HYCC2: variants seen among roughly 807,000 people sequenced by gnomAD.
The protein encoded by HYCC2 is hyccin 2.
At chr2:200,996,723 A>T in the HYCC2 span, 1 of 152,208 alleles carries the variant, frequency 6.6e-6, no homozygotes, top group Non-Finnish European at 1.5e-5. Flanking sequence ...CACACACATC[A>T]TTGGTACTAT....
the HYCC2 span, among the ~76,000 whole-genome samples, chr2:201,016,798 C>T: frequency 3.3e-5 from 5 of 152,022 alleles, no homozygotes; most frequent in African/African-American, 1.2e-4. Flanking sequence ...CGGAGTCTCA[C>T]CATGTTGGCC....
the HYCC2 span, among the ~76,000 whole-genome samples, chr2:201,040,288 G>A: frequency 2.0e-5 from 3 of 151,964 alleles, no homozygotes; most frequent in Non-Finnish European, 4.4e-5. Context: ...ATGTAGTGGT[G>A]TACAGCAGCA....
the HYCC2 span, chr2:200,997,371 G>A: frequency 2.7e-6 from 3 of 1,092,508 alleles, no homozygotes; most frequent in Non-Finnish European, 4.2e-6. Flanking sequence ...TTAGAACAGT[G>A]CTTGGCTTAG....
chr2:201,058,520 C>A, the HYCC2 span, among the ~76,000 whole-genome samples: 1 of 152,218 alleles, frequency 6.6e-6, no homozygotes. Context: ...GCCTGGCCAA[C>A]ATGGTGAAAC....
the HYCC2 span, among the ~76,000 whole-genome samples, chr2:201,060,065 G>GT: frequency 2.2e-3 from 290 of 130,388 alleles, 7 homozygotes; most frequent in Non-Finnish European, 3.1e-3. Flanking sequence ...GGGGGGGGGG[G>GT]GGTTCTTCTT....
the HYCC2 span, among the ~76,000 whole-genome samples, chr2:200,984,122 C>T: frequency 6.6e-6 from 1 of 152,158 alleles, no homozygotes; most frequent in African/African-American, 2.4e-5. Context: ...CCACTGTAGC[C>T]TCAACCTCCC....
the HYCC2 span, chr2:200,987,377 C>A: frequency 7.8e-7 from 1 of 1,289,694 alleles, no homozygotes; most frequent in South Asian, 1.2e-5. Context: ...TCTGTTGTGG[C>A]TGTTGCTGAG....
chr2:200,981,258 A>G, the HYCC2 span: 1 of 1,609,222 alleles, frequency 6.2e-7, no homozygotes, highest in Middle Eastern at 1.7e-4. This position sits in a 1 kb window ranked among gnomAD's most constrained non-coding sequence, Gnocchi z 4.5. Context: ...AAGATGAGGG[A>G]GGATGTCAAA....
chr2:201,001,137 C>CAA, the HYCC2 span, among the ~76,000 whole-genome samples: 92 of 70,296 alleles, frequency 1.3e-3, no homozygotes, highest in African/African-American at 1.5e-3. Context: ...GACTCTGTCT[C>CAA]AAAAAAAAAA....
the HYCC2 span, among the ~76,000 whole-genome samples, chr2:201,003,971 G>A: frequency 2.6e-5 from 4 of 151,672 alleles, no homozygotes; most frequent in Non-Finnish European, 4.4e-5. Context: ...CCACCATCAC[G>A]CCCAACTAAT....
At chr2:200,995,135 A>G in the HYCC2 span, among the ~76,000 whole-genome samples, 2 of 152,216 alleles carry the variant, frequency 1.3e-5, no homozygotes, top group Non-Finnish European at 2.9e-5. Context: ...GCAGATAGGG[A>G]GTAAGTGCTT....
the HYCC2 span, among the ~76,000 whole-genome samples, chr2:201,061,124 C>G: frequency 1.6e-3 from 245 of 150,676 alleles, no homozygotes; most frequent in Non-Finnish European, 2.9e-3. Flanking sequence ...CTGTTTAAAA[C>G]TTGTTCAAAT....
the HYCC2 span, among the ~76,000 whole-genome samples, chr2:201,042,832 G>A: frequency 1.4e-5 from 2 of 146,134 alleles, no homozygotes; most frequent in African/African-American, 2.6e-5. Flanking sequence ...CCCTCTGCCC[G>A]GCCGCCACCC....
chr2:200,985,870 CGAT>C, the HYCC2 span, among the ~76,000 whole-genome samples: 83 of 152,040 alleles, frequency 5.5e-4, 1 homozygote, highest in Admixed American at 1.2e-3. Context: ...GTGTATGACT[CGAT>C]GTACTGGAAG....
chr2:201,007,082 A>G, the HYCC2 span, among the ~76,000 whole-genome samples: 1 of 152,224 alleles, frequency 6.6e-6, no homozygotes, highest in Non-Finnish European at 1.5e-5. Flanking sequence ...AGGCATATTC[A>G]TAATGATAGT....
the HYCC2 span, among the ~76,000 whole-genome samples, chr2:201,000,588 AG>A: frequency 2.4e-3 from 361 of 152,294 alleles, 1 homozygote; most frequent in African/African-American, 8.0e-3. Flanking sequence ...GAGAATGTAG[AG>A]AAACTGCTAT....
chr2:201,063,668 A>G, the HYCC2 span: 2 of 1,575,818 alleles, frequency 1.3e-6, no homozygotes. Flanking sequence ...ATCTAGCCAA[A>G]GAGGTCGAAG....
the HYCC2 span, chr2:201,022,051 A>C: frequency 7.8e-7 from 1 of 1,288,012 alleles, no homozygotes; most frequent in Non-Finnish European, 1.0e-6. Context: ...TGGTTAGGAG[A>C]GGATTACCTG....
chr2:201,001,726 G>A, the HYCC2 span, among the ~76,000 whole-genome samples: 1 of 151,854 alleles, frequency 6.6e-6, no homozygotes, highest in Non-Finnish European at 1.5e-5. Flanking sequence ...AGGCTAGAGT[G>A]CAGTGGCACA....
Sources: gnomAD v4.1 joint callset for allele counts (sites outside exome capture counted in the v4.1 genomes callset) on GRCh38, gnomAD v4.1.1 for gene constraint, Gnocchi (gnomAD v3.1) non-coding constraint, MANE v1.5 for transcripts, NCBI Gene and HGNC (gene_info 2026-07-23, HGNC 2026-07-21) for gene names.